INTS8: variants seen among roughly 807,000 people sequenced by gnomAD.
The protein encoded by INTS8 is integrator complex subunit 8.
Under a neutral mutation model 138.9 loss-of-function variants are expected in INTS8, and 47 were observed. The observed-to-expected ratio is 0.34, with a 90% CI of 0.27 to 0.43. The LOEUF is 0.43. Ranked by LOEUF, INTS8 falls within the 20% of genes least tolerant of loss-of-function variation. INTS8 has a pLI of 1.00. For synonymous variants in INTS8, 392 were observed against 400.9 expected (o/e 0.98, Z 0.27); for missense variants, 996 against 1,173.0 (o/e 0.85, Z 2.20).
At chr8:94,830,534 G>C (rs766667081) in intron 5 of INTS8, among the ~76,000 whole-genome samples, 2 of 152,158 alleles carry the variant, frequency 1.3e-5, no homozygotes, top group African/African-American at 2.4e-5. Context: ...GTCTGACTCT[G>C]TTGCCCAGGC....
Position 94,841,574 on chromosome 8 carries a change from T to C in INTS8, c.1101T>C (p.Phe367=). 4 of 1,588,478 alleles carry C rather than the reference T, an allele frequency of 2.5e-6. No homozygotes were observed. The highest frequency in any genetic ancestry group is 3.4e-6 in the Non-Finnish European group (4 of 1,162,830). ...QFRQSVLREL[F]KKAQQGNEAL... is the part of the protein sequence containing the mutation. ...GACAGTCAGTCCTAAGAGAACTCTT[T>C]AAGAAAGCTCAACAGGGGTAAGTAA... Residue 367 remains phenylalanine, a synonymous_variant, in exon 9 of 27, where the codon TTT becomes TTC. Transcript: ENST00000523731.
intron 20 of INTS8, 30 bp from the exon 21 acceptor site, chr8:94,871,854 G>T: frequency 8.6e-7 from 1 of 1,160,368 alleles, no homozygotes; most frequent in South Asian, 1.3e-5. Context: ...TTTTAAAATA[G>T]AGATTAATGT....
intron 16 of INTS8, chr8:94,859,858 A>G (rs1815888711): frequency 2.2e-6 from 1 of 455,930 alleles, no homozygotes; most frequent in Admixed American, 3.5e-5. Flanking sequence ...GTCACAGATT[A>G]TTTAGTTAAC....
intron 16 of INTS8, among the ~76,000 whole-genome samples, chr8:94,862,729 T>TCTCA (rs1371367623): frequency 6.6e-6 from 1 of 152,156 alleles, no homozygotes; most frequent in Non-Finnish European, 1.5e-5. Context: ...ATAATTGGCC[T>TCTCA]CTCACTGCCT....
chr8:94,871,098 G>A (rs1586527503), intron 20 of INTS8, among the ~76,000 whole-genome samples: 2 of 152,220 alleles, frequency 1.3e-5, no homozygotes, highest in East Asian at 3.9e-4. Flanking sequence ...TAAGGTGGAT[G>A]TAAGGCCACA....
intron 9 of INTS8, among the ~76,000 whole-genome samples, chr8:94,841,994 A>G (rs1815151759): frequency 6.6e-6 from 1 of 151,262 alleles, no homozygotes; most frequent in African/African-American, 2.4e-5. Flanking sequence ...GCTTGAACCC[A>G]GGAGGTGGAG....
intron 26 of INTS8, among the ~76,000 whole-genome samples, chr8:94,877,565 C>T (rs960365714): frequency 6.6e-6 from 1 of 152,184 alleles, no homozygotes; most frequent in Non-Finnish European, 1.5e-5. Context: ...CCTTATGCTT[C>T]ATACCTTACT....
At chr8:94,874,652 TTA>T (rs778034109) in intron 23 of INTS8, 50 bp downstream of exon 23, 2 of 1,037,256 alleles carry the variant, frequency 1.9e-6, no homozygotes, top group South Asian at 2.8e-5. Flanking sequence ...ATGTTAGAGT[TTA>T]TAATAAATAT....
chr8:94,879,945 C>T, intron 26 of INTS8, 173 bp from the exon 27 acceptor site: 1 of 467,114 alleles, frequency 2.1e-6, no homozygotes, highest in Non-Finnish European at 3.9e-6. Flanking sequence ...GAGAGTGGCC[C>T]TGGTTAATCT....
Position 94,825,063 on chromosome 8 carries a change from A to G in INTS8, c.301A>G (p.Lys101Glu), listed in dbSNP as rs376914681. Residue 101 changes from lysine (K) to glutamate (E), a missense_variant, in exon 2 of 27, where the codon AAA becomes GAA. Transcript: ENST00000523731. Reference sequence around the variant, plus strand: ...GAAGTGGGACTTAGACATATTAGAGAAAAGGTATCCAAGATTTCAGTGAAA... The same window carrying G: ...GAAGTGGGACTTAGACATATTAGAGGAAAGGTATCCAAGATTTCAGTGAAA... ...HLKWDLDILE[K>E]SLSVPVLNML... 5.1e-5 allele frequency: 81 copies of G among 1,592,586 alleles called. No homozygotes were observed. The highest frequency in any genetic ancestry group is 6.8e-5 in the Non-Finnish European group (79 of 1,164,670).
intron 10 of INTS8, among the ~76,000 whole-genome samples, chr8:94,848,008 C>T (rs1815392971): frequency 1.6e-5 from 2 of 125,630 alleles, no homozygotes; most frequent in African/African-American, 6.1e-5. Flanking sequence ...ACTTTTAAAA[C>T]ACTGCTTTTT....
chr8:94,859,641 T>C lies in INTS8; in HGVS notation c.2076+9T>C. The C allele has an allele frequency of 6.2e-7, 1 of 1,601,222 alleles. No individual in the cohort carries two copies. On this transcript the variant is annotated intron_variant, in intron 16 of 26. Coordinates refer to ENST00000523731, the MANE Select transcript of INTS8 (RefSeq NM_017864.4). ...GTAATCCATATGTAAAGGTAGTTAA[T>C]GTTTAAATAAAAGGATTGTTAGGAT... is the stretch of plus-strand genomic sequence containing the variant.
chr8:94,840,757 C>T lies in INTS8; in HGVS notation c.1018-734C>T, dbSNP rs550356435. Among the ~76,000 whole-genome samples, 31 of 152,082 alleles carry T rather than the reference C, an allele frequency of 2.0e-4. No homozygotes were observed. In the South Asian group the frequency reaches 6.0e-3, roughly 30 times the overall value. ...AGTTTTTAGTAGAGACGGGATTTCA[C>T]TGTCTTGGCCAGACTGGTCTTGAAT... On this transcript the variant is annotated intron_variant, in intron 8 of 26. Transcript: ENST00000523731.
At chr8:94,866,927 A>G in intron 18 of INTS8, 1 of 484,144 alleles carries the variant, frequency 2.1e-6, no homozygotes, top group South Asian at 4.2e-5. Context: ...ATTTATGCTA[A>G]TTTTATGTAA....
rs1003183644 is a variant in INTS8 at position 94,825,120 on chromosome 8, T to C, written c.305+53T>C. The C allele has an allele frequency of 2.4e-6, 3 of 1,240,532 alleles. No individual in the cohort carries two copies. In the African/African-American group the frequency reaches 4.5e-5, roughly 19 times the overall value. The allele number at this position is 1,240,532 out of a possible 1,614,324, so 76.8% of individuals were successfully genotyped here. ...TTGAAGTGCTATTTAGATATCTTGG[T>C]TTATTTCTATATATGCTTTTATGAT... On this transcript the variant is annotated intron_variant, in intron 2 of 26. Transcript: ENST00000523731.
At chr8:94,853,429 A>G (rs1361722297) in intron 13 of INTS8, among the ~76,000 whole-genome samples, 1 of 152,246 alleles carries the variant, frequency 6.6e-6, no homozygotes, top group Non-Finnish European at 1.5e-5. Flanking sequence ...ATACTTAAAT[A>G]GCCGTATAAT....
chr8:94,842,064 G>A (rs1253482537), intron 9 of INTS8, among the ~76,000 whole-genome samples: 4 of 141,200 alleles, frequency 2.8e-5, no homozygotes, highest in Admixed American at 7.1e-5. Flanking sequence ...GCAAGACTCC[G>A]TCTCAAAAGA....
chr8:94,853,176 G>A (rs1332976119), intron 13 of INTS8, among the ~76,000 whole-genome samples: 1 of 152,056 alleles, frequency 6.6e-6, no homozygotes, highest in Non-Finnish European at 1.5e-5. Flanking sequence ...GCTGGGCATG[G>A]TGGCGCGCAC....
chr8:94,871,983 C>T lies in INTS8; in HGVS notation c.2514C>T (p.Ile838=). The T allele has an allele frequency of 6.5e-6, 10 of 1,550,066 alleles. No homozygotes were observed. Among genetic ancestry groups the T allele is most frequent in the Non-Finnish European group, 8.9e-6 (10 of 1,124,552 alleles). Residue 838 remains isoleucine (I), a synonymous_variant, in exon 21 of 27, where the codon ATC becomes ATT. Coordinates refer to ENST00000523731, the MANE Select transcript of INTS8 (RefSeq NM_017864.4). ...INPNNHSWLI[I]QADIYFATNQ... ...CAAATAACCATTCTTGGTTAATTAT[C>T]CAGGCAGATATTTACTTTGGTAAGT...
Sources: gnomAD v4.1 joint callset for allele counts (sites outside exome capture counted in the v4.1 genomes callset) on GRCh38, gnomAD v4.1.1 for gene constraint, MANE v1.5 for transcripts, NCBI Gene and HGNC (gene_info 2026-07-23, HGNC 2026-07-21) for gene names.